Variants in TNFRSF19 observed in about 807,000 individuals in gnomAD.
The protein encoded by TNFRSF19 is TNF receptor superfamily member 19, also known as tumor necrosis factor receptor superfamily member 19.
Under a neutral mutation model 46.4 loss-of-function variants are expected in TNFRSF19, and 27 were observed. The ratio of observed to expected loss-of-function variants is 0.58; its 90% CI spans 0.43 to 0.80. The LOEUF (loss-of-function observed/expected upper bound fraction) is 0.80. TNFRSF19 is among the 30% of genes least tolerant of loss of function. The pLI is 0.00. For missense variants in TNFRSF19, 511 were observed against 530.8 expected (o/e 0.96, Z 0.37); for synonymous variants, 204 against 205.0 (o/e 1.00, Z 0.04).
intron 3 of TNFRSF19, among the ~76,000 whole-genome samples, chr13:23,594,855 A>G (rs909499574): frequency 6.6e-6 from 1 of 152,190 alleles, no homozygotes. Context: ...GACACCTCAT[A>G]CAGGAGAGCT....
chr13:23,580,001 G>C (rs994479976), intron 1 of TNFRSF19, among the ~76,000 whole-genome samples: 4 of 152,236 alleles, frequency 2.6e-5, no homozygotes, highest in African/African-American at 9.6e-5. Flanking sequence ...GTCTGTGAGC[G>C]GCCCAGGGTA....
intron 1 of TNFRSF19, among the ~76,000 whole-genome samples, chr13:23,583,185 C>T (rs1255949824): frequency 6.6e-6 from 1 of 152,078 alleles, no homozygotes; most frequent in Non-Finnish European, 1.5e-5. Context: ...TATGGGAGTT[C>T]GAATTCTCCA....
At chr13:23,583,266 A>G (rs1878584136) in intron 1 of TNFRSF19, among the ~76,000 whole-genome samples, 2 of 152,204 alleles carry the variant, frequency 1.3e-5, no homozygotes. Flanking sequence ...ATAATAGTTC[A>G]TTGTGGATTT....
intron 3 of TNFRSF19, among the ~76,000 whole-genome samples, chr13:23,606,372 C>A (rs1880513894): frequency 6.6e-6 from 1 of 151,334 alleles, no homozygotes; most frequent in East Asian, 1.9e-4. Flanking sequence ...AAAAAAAGAC[C>A]AGGACAAATT....
chr13:23,620,493 C>T lies in TNFRSF19; in HGVS notation c.359+4448C>T, dbSNP rs138519977. 2.9e-3 allele frequency among the ~76,000 whole-genome samples: 449 copies of T among 152,334 alleles called. 6 individuals are homozygous for T. Among genetic ancestry groups the T allele is most frequent in the African/African-American group, 0.01 (432 of 41,576 alleles). ...GAGAGAGCCAGTCCCCTTATTCCCA[C>T]ATCTGCTCTGTGACTTTAGACAAGT... On this transcript the variant is annotated intron_variant, in intron 4 of 9. Coordinates refer to ENST00000248484, the MANE Select transcript of TNFRSF19 (RefSeq NM_148957.4).
intron 3 of TNFRSF19, among the ~76,000 whole-genome samples, chr13:23,611,864 C>T (rs1418482101): frequency 6.6e-6 from 1 of 152,174 alleles, no homozygotes; most frequent in Non-Finnish European, 1.5e-5. Context: ...AGAACAGCTC[C>T]AGCTCTATCC....
rs959842466 is a variant in TNFRSF19 at position 23,668,547 on chromosome 13, G to A, written c.840-145G>A. The A allele has an allele frequency of 5.0e-6, 5 of 994,514 alleles. No individual in the cohort carries two copies. The East Asian group carries it at 1.3e-4, about 26-fold the overall frequency. The allele number at this position is 994,514 out of a possible 1,614,324, so 61.6% of individuals were successfully genotyped here. A position where few individuals can be genotyped will look rare whatever the true frequency, so the allele number is the denominator to read the frequency against. The stretch of plus-strand genomic sequence containing the variant: ...AATTTGACTTATTGTATTGAGATGA[G>A]TTTATAACAATAGGAAACACTAGAA... On this transcript the variant is annotated intron_variant, in intron 8 of 9. Transcript: ENST00000248484.
At chr13:23,663,199 C>G (rs370520352) in intron 7 of TNFRSF19, among the ~76,000 whole-genome samples, 3 of 152,090 alleles carry the variant, frequency 2.0e-5, no homozygotes, top group Non-Finnish European at 4.4e-5. Context: ...CCTTCAATAC[C>G]TAGTTTATTG....
At chr13:23,663,415 T>G (rs901573094) in intron 7 of TNFRSF19, among the ~76,000 whole-genome samples, 5 of 152,222 alleles carry the variant, frequency 3.3e-5, no homozygotes, top group African/African-American at 7.2e-5. Flanking sequence ...GGATTCAGTT[T>G]GCAAGTAGTT....
chr13:23,617,450 G>A (rs1450701743), intron 4 of TNFRSF19, among the ~76,000 whole-genome samples: 1 of 152,162 alleles, frequency 6.6e-6, no homozygotes, highest in Non-Finnish European at 1.5e-5. Context: ...GAGAGAGTCT[G>A]GATGAAGAGC....
intron 4 of TNFRSF19, among the ~76,000 whole-genome samples, chr13:23,626,115 C>T (rs77207631): frequency 0.091 from 13,747 of 151,658 alleles, 711 homozygotes; most frequent in Middle Eastern, 0.12. Flanking sequence ...ATTTTTCAAT[C>T]TTTGTTTGCC....
intron 9 of TNFRSF19, among the ~76,000 whole-genome samples, chr13:23,672,544 A>T (rs186758755): frequency 2.0e-5 from 3 of 152,212 alleles, no homozygotes; most frequent in Non-Finnish European, 4.4e-5. Context: ...TATTATAATC[A>T]TGTCAGTTAA....
At chr13:23,579,720 G>C (rs987555258) in intron 1 of TNFRSF19, among the ~76,000 whole-genome samples, 11 of 152,206 alleles carry the variant, frequency 7.2e-5, no homozygotes, top group African/African-American at 2.7e-4. Context: ...CCGGGTCTCG[G>C]GGCCGTGACA....
chr13:23,666,772 A>G (rs764990739), intron 7 of TNFRSF19, among the ~76,000 whole-genome samples: 31 of 152,274 alleles, frequency 2.0e-4, no homozygotes, highest in Non-Finnish European at 4.0e-4. Flanking sequence ...AGAGCACTGT[A>G]TGTTTAGATG....
rs1884209643 is a variant in TNFRSF19 at position 23,659,539 on chromosome 13, C to T, written c.610+325C>T. ...TTGTTTTTTTGGAGACAGAGTCTGG[C>T]TCTGTCACCCAGGCTGGAGGGCAGT... On this transcript the variant is annotated intron_variant, in intron 6 of 9. Transcript: ENST00000248484. This position sits in a 1 kb window ranked among gnomAD's most constrained non-coding sequence, Gnocchi z 4.9. 6.6e-6 allele frequency among the ~76,000 whole-genome samples: 1 copy of T among 152,142 alleles called. No individual in the cohort carries two copies. Among genetic ancestry groups the T allele is most frequent in the Admixed American group, 6.5e-5 (1 of 15,276 alleles).
chr13:23,635,200 T>G (rs1278315866), intron 5 of TNFRSF19, among the ~76,000 whole-genome samples: 2 of 152,080 alleles, frequency 1.3e-5, no homozygotes, highest in Non-Finnish European at 2.9e-5. Flanking sequence ...TTAAAATAAT[T>G]TATAAATTAA....
intron 9 of TNFRSF19, chr13:23,669,775 C>T (rs909998903): frequency 2.9e-5 from 27 of 927,462 alleles, no homozygotes; most frequent in Non-Finnish European, 3.2e-5. Flanking sequence ...TAACTGGGCA[C>T]GTCTCTGCTT....
At chr13:23,594,460 C>A (rs1879550668) in intron 3 of TNFRSF19, 1 of 233,384 alleles carries the variant, frequency 4.3e-6, no homozygotes, top group South Asian at 4.1e-5. Context: ...AGGTGGTTTT[C>A]CCCTCACAGT....
intron 7 of TNFRSF19, 38 bp from the exon 8 acceptor site, chr13:23,667,942 G>A (rs938236182): frequency 1.3e-6 from 2 of 1,511,240 alleles, no homozygotes; most frequent in African/African-American, 1.4e-5. Context: ...GCTGCCAGAA[G>A]GAGGCACTGT....
Sources: gnomAD v4.1 joint callset for allele counts (sites outside exome capture counted in the v4.1 genomes callset) on GRCh38, gnomAD v4.1.1 for gene constraint, Gnocchi (gnomAD v3.1) non-coding constraint, MANE v1.5 for transcripts, NCBI Gene and HGNC (gene_info 2026-07-23, HGNC 2026-07-21) for gene names.